Variants in REXO5 observed in about 807,000 individuals in gnomAD.
REXO5 encodes RNA exonuclease 5.
A neutral mutation model predicts 88.5 loss-of-function variants in REXO5; 48 were observed. That is an observed-to-expected ratio of 0.54 (90% confidence interval 0.43 to 0.69). The LOEUF is 0.69. REXO5 is among the 30% of genes least tolerant of loss of function. The pLI is 0.00. For missense variants in REXO5, 749 were observed against 912.2 expected, an observed-to-expected ratio of 0.82 and a Z score of 2.30; for synonymous variants, 311 against 336.5, an observed-to-expected ratio of 0.92 and a Z score of 0.83.
chr16:20,839,708 T>G, intron 13 of REXO5, 47 bp from the exon 14 acceptor site: 3 of 1,279,888 alleles, frequency 2.3e-6, no homozygotes, highest in Non-Finnish European at 3.3e-6. Context: ...GGAGCCACAA[T>G]AGAGTATGAG....
chr16:20,824,622 A>G (rs888776908), intron 7 of REXO5, 95 bp downstream of exon 7: 7 of 763,136 alleles, frequency 9.2e-6, no homozygotes, highest in Non-Finnish European at 1.6e-5. Context: ...GAACGAATAC[A>G]TTCATTTTTA....
At chr16:20,814,205 A>G (rs570018733) in intron 3 of REXO5, among the ~76,000 whole-genome samples, 2 of 151,864 alleles carry the variant, frequency 1.3e-5, no homozygotes, top group East Asian at 3.9e-4. Context: ...GTAGTTCAAT[A>G]GTCTTATTTA....
intron 13 of REXO5, 21 bp from the exon 14 acceptor site, chr16:20,839,734 A>C (rs1343163499): frequency 6.4e-7 from 1 of 1,558,974 alleles, no homozygotes; most frequent in Admixed American, 1.7e-5. Context: ...TACCTTATCC[A>C]GGCTGTGCTG....
intron 15 of REXO5, among the ~76,000 whole-genome samples, chr16:20,843,461 G>T (rs1006977774): frequency 1.3e-5 from 2 of 152,150 alleles, no homozygotes; most frequent in African/African-American, 4.8e-5. Context: ...CCAGTGTCAT[G>T]AAACTTTTCT....
Position 20,846,204 on chromosome 16 carries a change from C to T in REXO5, c.2125-17C>T, listed in dbSNP as rs1205248458. 1.9e-6 allele frequency: 3 copies of T among 1,600,918 alleles called. No individual in the cohort carries two copies. Among genetic ancestry groups the T allele is most frequent in the African/African-American group, 2.7e-5 (2 of 74,660 alleles). ...AGAGTGTTCTGGCTGAGTATCGACA[C>T]ATGGCTTTGATCCCAGACTCTGAAA... is the stretch of plus-strand genomic sequence containing the variant. On this transcript the variant is annotated splice_polypyrimidine_tract_variant and intron_variant, in intron 18 of 19. Transcript: ENST00000261377.
In REXO5 at chr16:20,840,314, T is replaced by C; in HGVS notation, c.1489-17T>C. On this transcript the variant is annotated splice_polypyrimidine_tract_variant and intron_variant, in intron 14 of 19. Coordinates refer to ENST00000261377, the MANE Select transcript of REXO5 (RefSeq NM_030941.3). ...CCATATTCATTCCCATACTATATTCTGTTGTTTTTCCTACAGATGAGGATC... is the reference window on the plus strand; with the variant it reads ...CCATATTCATTCCCATACTATATTCCGTTGTTTTTCCTACAGATGAGGATC... The C allele has an allele frequency of 6.6e-7, 1 of 1,518,412 alleles. No homozygotes were observed. Among genetic ancestry groups the C allele is most frequent in the Non-Finnish European group, 8.9e-7 (1 of 1,118,924 alleles). The allele number at this position is 1,518,412 out of a possible 1,614,324, so 94.1% of individuals were successfully genotyped here.
intron 8 of REXO5, 80 bp downstream of exon 8, chr16:20,826,028 C>T (rs754956190): frequency 1.1e-6 from 1 of 881,536 alleles, no homozygotes; most frequent in East Asian, 2.6e-5. Context: ...CCCACAGCTT[C>T]AGTTTAGTTA....
At chr16:20,847,261 C>A (rs77859798) in intron 19 of REXO5, among the ~76,000 whole-genome samples, 4 of 138,312 alleles carry the variant, frequency 2.9e-5, no homozygotes, top group Non-Finnish European at 3.1e-5. Context: ...AACACACACA[C>A]AAAAAAAAAA....
chr16:20,822,013 C>T, intron 6 of REXO5, 111 bp downstream of exon 6: 5 of 1,043,932 alleles, frequency 4.8e-6, no homozygotes, highest in Non-Finnish European at 6.7e-6. Flanking sequence ...GTGGCTTATT[C>T]TTATTTCATC....
chr16:20,849,197 T>C (rs774436590), intron 19 of REXO5, among the ~76,000 whole-genome samples: 2 of 152,198 alleles, frequency 1.3e-5, no homozygotes, highest in Non-Finnish European at 2.9e-5. Flanking sequence ...TTGGTAAAGG[T>C]AGGATTTGAA....
Position 20,806,661 on chromosome 16 carries a change from C to A in REXO5, c.-47C>A. ...GCTCGGCAGCACCTTCCTTCTTTGC[C>A]AGGCAGACGCCCGTTGTAGCCGTTG... On this transcript the variant is annotated 5_prime_UTR_variant, in exon 1 of 20. Transcript: ENST00000261377. 1.8e-6 allele frequency: 2 copies of A among 1,123,272 alleles called. No individual in the cohort carries two copies. The highest frequency in any genetic ancestry group is 2.4e-6 in the Non-Finnish European group (2 of 817,872). The allele number at this position is 1,123,272 out of a possible 1,614,324, so 69.6% of individuals were successfully genotyped here.
intron 5 of REXO5, among the ~76,000 whole-genome samples, chr16:20,817,311 T>A (rs2152501732): frequency 6.6e-6 from 1 of 152,384 alleles, no homozygotes; most frequent in Non-Finnish European, 1.5e-5. Context: ...TGATTTGCAC[T>A]GTATTTTAAA....
At position 20,816,036 on chromosome 16, in the gene REXO5, G is replaced by A. The variant is rs370126064; in HGVS notation, c.379-80G>A. ...TGTCTAGAACTTTCAAAGCACTGAG[G>A]TGACAATAAAAGTCCAGGCCTTTCA... On this transcript the variant is annotated intron_variant, in intron 4 of 19. Transcript: ENST00000261377. 62 of 1,077,716 alleles carry A rather than the reference G, an allele frequency of 5.8e-5. No individual in the cohort carries two copies. In the African/African-American group the frequency reaches 7.2e-4, roughly 12 times the overall value. 66.8% of individuals were successfully genotyped at this position (1,077,716 alleles called of 1,614,324 possible). A position where few individuals can be genotyped will look rare whatever the true frequency, so the allele number is the denominator to read the frequency against.
chr16:20,824,311 T>G (rs2081229113), intron 6 of REXO5, 128 bp from the exon 7 acceptor site: 1 of 585,316 alleles, frequency 1.7e-6, no homozygotes, highest in Non-Finnish European at 3.0e-6. Context: ...GTCATTGTAT[T>G]TCAAGTGTCT....
chr16:20,816,289 C>A, intron 5 of REXO5, 77 bp downstream of exon 5: 1 of 1,214,572 alleles, frequency 8.2e-7, no homozygotes, highest in Non-Finnish European at 1.2e-6. Flanking sequence ...TTTAGCACAA[C>A]AAAACTCAAT....
At position 20,844,634 on chromosome 16, in the gene REXO5, G is replaced by A. The variant is rs2081579228; in HGVS notation, c.1725G>A (p.Gln575=). Residue 575 remains glutamine, a synonymous_variant, in exon 17 of 20, where the codon CAG becomes CAA. Coordinates refer to ENST00000261377, the MANE Select transcript of REXO5 (RefSeq NM_030941.3). ...CACCAACTTTCCTTGGTTAGGTGCAGAGGCCTGTGACAGAGCTCACGCTTG... is the reference window on the plus strand; with the variant it reads ...CACCAACTTTCCTTGGTTAGGTGCAAAGGCCTGTGACAGAGCTCACGCTTG... The part of the protein sequence containing the change: ...ILVDGICIKV[Q]RPVTELTLDC... The A allele has an allele frequency of 1.2e-6, 2 of 1,614,004 alleles. No individual in the cohort carries two copies.
chr16:20,828,798 G>A (rs920921537), intron 11 of REXO5, among the ~76,000 whole-genome samples: 2 of 151,978 alleles, frequency 1.3e-5, no homozygotes, highest in Non-Finnish European at 2.9e-5. Flanking sequence ...GTGGTGGCGC[G>A]TGCCTGTAGT....
At chr16:20,849,190 G>T (rs1361513013) in intron 19 of REXO5, among the ~76,000 whole-genome samples, 1 of 152,178 alleles carries the variant, frequency 6.6e-6, no homozygotes, top group Non-Finnish European at 1.5e-5. Context: ...CTCTTAATTG[G>T]TAAAGGTAGG....
At chr16:20,834,961 T>A (rs1485467768) in intron 13 of REXO5, among the ~76,000 whole-genome samples, 1 of 152,216 alleles carries the variant, frequency 6.6e-6, no homozygotes, top group African/African-American at 2.4e-5. Context: ...TTTTTCTCCT[T>A]ATTATGGACT....
Sources: allele counts gnomAD v4.1 joint callset (sites outside exome capture counted in the v4.1 genomes callset), GRCh38; gene constraint gnomAD v4.1.1; transcripts MANE v1.5; gene names NCBI Gene and HGNC (gene_info 2026-07-23, HGNC 2026-07-21).